The following ADGRL2 variants were observed in gnomAD, a reference collection of about 807,000 sequenced individuals.
ADGRL2 encodes calcium-independent alpha-latrotoxin receptor 2.
In ADGRL2, 44 loss-of-function variants were observed where a neutral mutation model predicts 157.4. The observed-to-expected ratio is 0.28, with a 90% confidence interval of 0.22 to 0.36. The LOEUF (loss-of-function observed/expected upper bound fraction) is 0.36, where lower values mean the gene tolerates loss of function less well. Among genes scored for constraint, ADGRL2 ranks in the 10% least tolerant of loss-of-function variants. The pLI, the probability that ADGRL2 is intolerant of heterozygous loss-of-function variation, is 1.00. For missense variants in ADGRL2, 1,510 were observed against 1,768.9 expected (o/e 0.85, Z 2.63); for synonymous variants, 585 against 624.7 (o/e 0.94, Z 0.95).
chr1:81,408,846 T>G (rs1019228898), intron 1 of ADGRL2, among the ~76,000 whole-genome samples: 2 of 152,230 alleles, frequency 1.3e-5, no homozygotes, highest in African/African-American at 2.4e-5. Flanking sequence ...TCTTAAGCGT[T>G]CATTAGTTTA....
chr1:81,469,868 A>G (rs1379651840), intron 2 of ADGRL2, among the ~76,000 whole-genome samples: 3 of 152,188 alleles, frequency 2.0e-5, no homozygotes, highest in Admixed American at 6.5e-5. Flanking sequence ...ATCCTATGCA[A>G]TTCAGCTCTT....
At chr1:81,735,657 G>T (rs867078815) in intron 1 of ADGRL2, among the ~76,000 whole-genome samples, 1 of 152,030 alleles carries the variant, frequency 6.6e-6, no homozygotes, top group African/African-American at 2.4e-5. Flanking sequence ...CAGCATGATG[G>T]TGGATGCCTG....
intron 2 of ADGRL2, among the ~76,000 whole-genome samples, chr1:81,528,276 A>T (rs1457526411): frequency 6.6e-6 from 1 of 152,222 alleles, no homozygotes; most frequent in Non-Finnish European, 1.5e-5. Flanking sequence ...AAGAAGCAAG[A>T]TACAACTGGT....
intron 6 of ADGRL2, among the ~76,000 whole-genome samples, chr1:81,948,735 A>AT (rs2149038712): frequency 6.6e-6 from 1 of 152,364 alleles, no homozygotes; most frequent in South Asian, 2.1e-4. Flanking sequence ...CTGGCTAGGC[A>AT]TGATGTTTGA....
intron 2 of ADGRL2, among the ~76,000 whole-genome samples, chr1:81,525,227 T>C (rs191357818): frequency 6.6e-6 from 1 of 152,044 alleles, no homozygotes; most frequent in East Asian, 1.9e-4. Flanking sequence ...TTCAAACCAG[T>C]AAGCTTGAAA....
intron 1 of ADGRL2, among the ~76,000 whole-genome samples, chr1:81,383,808 CAAAA>C (rs56660027): frequency 2.9e-5 from 3 of 104,318 alleles, no homozygotes; most frequent in African/African-American, 7.3e-5. Context: ...ACTAAAAATA[CAAAA>C]AAAAAAAAAA....
chr1:81,451,576 T>C (rs559848697), intron 2 of ADGRL2, among the ~76,000 whole-genome samples: 6 of 152,310 alleles, frequency 3.9e-5, no homozygotes, highest in Middle Eastern at 3.4e-3. Context: ...CTGCTTTCTT[T>C]TCTCTAAAAT....
chr1:81,346,177 T>A (rs1227351749), intron 1 of ADGRL2, among the ~76,000 whole-genome samples: 1 of 152,108 alleles, frequency 6.6e-6, no homozygotes, highest in Admixed American at 6.5e-5. Flanking sequence ...GTGGAGACAC[T>A]CACATGAGAA....
intron 2 of ADGRL2, among the ~76,000 whole-genome samples, chr1:81,892,930 G>C (rs1280608573): frequency 6.6e-6 from 1 of 152,084 alleles, no homozygotes; most frequent in Non-Finnish European, 1.5e-5. Context: ...AAACATTTGA[G>C]TATTTACTTT....
At chr1:81,957,719 A>G (rs1654004285) in intron 11 of ADGRL2, among the ~76,000 whole-genome samples, 1 of 152,180 alleles carries the variant, frequency 6.6e-6, no homozygotes. Context: ...AAAAAAATAA[A>G]TAAAATTTAA....
intron 1 of ADGRL2, among the ~76,000 whole-genome samples, chr1:81,394,972 C>G (rs1429806956): frequency 6.6e-6 from 1 of 151,998 alleles, no homozygotes; most frequent in Non-Finnish European, 1.5e-5. Flanking sequence ...GATCTCAGCT[C>G]ACTGCAACAT....
chr1:81,436,082 C>A (rs575200165), intron 1 of ADGRL2, among the ~76,000 whole-genome samples: 9 of 152,088 alleles, frequency 5.9e-5, no homozygotes, highest in East Asian at 3.9e-4. Flanking sequence ...GCAATAAGAG[C>A]GAAACTCCAT....
intron 2 of ADGRL2, among the ~76,000 whole-genome samples, chr1:81,478,817 T>A (rs1431268671): frequency 6.6e-6 from 1 of 152,168 alleles, no homozygotes; most frequent in Non-Finnish European, 1.5e-5. Flanking sequence ...AGAAAAATAC[T>A]GGCATCTGCA....
intron 2 of ADGRL2, among the ~76,000 whole-genome samples, chr1:81,529,534 A>G (rs570951661): frequency 1.7e-4 from 26 of 152,386 alleles, no homozygotes; most frequent in Non-Finnish European, 3.4e-4. Context: ...TTGTCCAACT[A>G]TGCCAGGAGC....
chr1:81,609,457 A>G (rs1404468908), intron 3 of ADGRL2, among the ~76,000 whole-genome samples: 1 of 152,184 alleles, frequency 6.6e-6, no homozygotes, highest in Non-Finnish European at 1.5e-5. Flanking sequence ...ATGCTTTGAG[A>G]TGGAAGAAAG....
At position 81,423,756 on chromosome 1, in the gene ADGRL2, G is replaced by A. The variant is rs143705303; in HGVS notation, c.-301-21280G>A. 1.1e-4 allele frequency among the ~76,000 whole-genome samples: 17 copies of A among 152,208 alleles called. No individual in the cohort carries two copies. In the East Asian group the frequency reaches 2.5e-3, roughly 22 times the overall value. On this transcript the variant is annotated intron_variant, in intron 1 of 24. Coordinates refer to the ADGRL2 transcript ENST00000370721. ...TAACTGAGATGTAAAAAGGAACCAC[G>A]TAATTAATCCTTGCACCACTAAGAT...
At chr1:81,343,445 A>G (rs952090565) in intron 1 of ADGRL2, among the ~76,000 whole-genome samples, 1 of 152,254 alleles carries the variant, frequency 6.6e-6, no homozygotes, top group Admixed American at 6.5e-5. Context: ...TACAATAAAA[A>G]CATGTTTTAA....
Position 81,415,941 on chromosome 1 carries a change from T to C in ADGRL2, c.-301-29095T>C, listed in dbSNP as rs929626278. On this transcript the variant is annotated intron_variant, in intron 1 of 24. Coordinates refer to the ADGRL2 transcript ENST00000370721. ...CTGCAAGCTCGGCCTCCCGGGTTCATGCCATTCTCCTGCCTCAGCCTCCCG... is the reference window on the plus strand; with the variant it reads ...CTGCAAGCTCGGCCTCCCGGGTTCACGCCATTCTCCTGCCTCAGCCTCCCG... 7.9e-5 allele frequency among the ~76,000 whole-genome samples: 12 copies of C among 151,698 alleles called. No homozygotes were observed. The South Asian group carries it at 8.3e-4, about 11-fold the overall frequency.
chr1:81,843,052 G>A (rs2150339804), intron 2 of ADGRL2, among the ~76,000 whole-genome samples: 2 of 152,252 alleles, frequency 1.3e-5, no homozygotes, highest in Middle Eastern at 6.8e-3. Flanking sequence ...TGTGCCTGCT[G>A]CATAGCAAAT....
Sources: gnomAD v4.1 joint callset for allele counts (sites outside exome capture counted in the v4.1 genomes callset) on GRCh38, gnomAD v4.1.1 for gene constraint, MANE v1.5 for transcripts, NCBI Gene and HGNC (gene_info 2026-07-23, HGNC 2026-07-21) for gene names.